The following ERAP2 variants were observed in gnomAD, a reference collection of about 807,000 sequenced individuals.
ERAP2 encodes the protein endoplasmic reticulum aminopeptidase 2.
ERAP2 carries 118 observed loss-of-function variants against 111.1 expected under a neutral mutation model. The ratio of observed to expected loss-of-function variants is 1.06; its 90% confidence interval spans 0.92 to 1.24. The LOEUF (loss-of-function observed/expected upper bound fraction) is 1.24. Among genes scored for constraint, ERAP2 ranks in the 50% most tolerant of loss-of-function variants. The probability of loss-of-function intolerance (pLI) is 0.00; values close to 1 mark genes in which losing one functional copy is unlikely to be tolerated. For missense variants in ERAP2, 1,131 were observed against 1,125.8 expected (o/e 1.00, Z -0.07); for synonymous variants, 410 against 401.2 (o/e 1.02, Z -0.26).
chr5:96,901,740 T>C (rs1466935744), intron 11 of ERAP2, 59 bp downstream of exon 11: 36 of 1,546,924 alleles, frequency 2.3e-5, no homozygotes, highest in Non-Finnish European at 3.1e-5. Flanking sequence ...CGTTATTTCC[T>C]TAGCTTTCTC....
chr5:96,883,821 C>G lies in ERAP2; in HGVS notation c.605C>G (p.Thr202Ser). The change falls in exon 3 of 19, where the codon ACC becomes AGC. Residue 202 changes from threonine (T) to serine (S), a missense_variant. Around this residue, in one of 3 missense-constraint regions of ERAP2, gnomAD observed 847 missense variants for 856.5 expected, o/e 0.99. Coordinates refer to ENST00000437043, the MANE Select transcript of ERAP2 (RefSeq NM_022350.5). ...RILAVTDFEP[T>S]QARMAFPCFD... is the part of the protein sequence containing the mutation. ...CTTGCAGTAACAGATTTTGAGCCAA[C>G]CCAGGCACGCATGGCTTTCCCTTGC... 6.2e-7 allele frequency: 1 copy of G among 1,613,008 alleles called. No homozygotes were observed. Among genetic ancestry groups the G allele is most frequent in the Non-Finnish European group, 8.5e-7 (1 of 1,179,662 alleles).
At chr5:96,910,052 G>T in intron 15 of ERAP2, 1 of 250,310 alleles carries the variant, frequency 4.0e-6, no homozygotes, top group Non-Finnish European at 8.1e-6. Flanking sequence ...AATCACTGAG[G>T]TCAGGAGTTC....
At chr5:96,889,593 G>A in intron 5 of ERAP2, 1 of 667,464 alleles carries the variant, frequency 1.5e-6, no homozygotes, top group South Asian at 1.8e-5. Context: ...CTGGAGGCTG[G>A]GACGGAAGCC....
intron 4 of ERAP2, among the ~76,000 whole-genome samples, chr5:96,888,131 A>AG (rs1279194303): frequency 1.4e-5 from 2 of 143,438 alleles, no homozygotes; most frequent in African/African-American, 5.3e-5. Flanking sequence ...TCTCAAAAGA[A>AG]AAAAAAAAAG....
chr5:96,887,227 T>C (rs1354045677), intron 4 of ERAP2, among the ~76,000 whole-genome samples: 1 of 151,654 alleles, frequency 6.6e-6, no homozygotes, highest in African/African-American at 2.4e-5. Flanking sequence ...TTTTAAATAA[T>C]ATTAATAATT....
chr5:96,896,753 C>T lies in ERAP2; in HGVS notation c.1393C>T (p.Leu465Phe). The T allele has an allele frequency of 6.4e-7, 1 of 1,571,390 alleles. No individual in the cohort carries two copies. The highest frequency in any genetic ancestry group is 8.6e-7 in the Non-Finnish European group (1 of 1,164,830). Residue 465 changes from leucine (L) to phenylalanine (F), a missense_variant, in exon 9 of 19, where the codon CTC becomes TTC. By Grantham distance (22) the Leu-to-Phe change is conservative (BLOSUM62 0). Transcript: ENST00000437043. Reference protein sequence around the residue: ...YNKGACILNMLKDFLGEEKFQ... With the variant: ...YNKGACILNMFKDFLGEEKFQ... Reference sequence around the variant, plus strand: ...AAAGGGAGCTTGTATTTTGAATATGCTCAAGGATTTTCTGGGTGAGGAGAA... The same window carrying T: ...AAAGGGAGCTTGTATTTTGAATATGTTCAAGGATTTTCTGGGTGAGGAGAA...
At position 96,901,612 on chromosome 5, in the gene ERAP2, G is replaced by C; in HGVS notation, c.1679G>C (p.Arg560Pro). Residue 560 changes from arginine (R) to proline (P), a missense_variant, in exon 11 of 19, where the codon CGA becomes CCA. Transcript: ENST00000437043. Reference protein sequence around the residue: ...LVVKQDGCSLRLQQERFLQGV... With the variant: ...LVVKQDGCSLPLQQERFLQGV... ...GTTAAACAAGACGGGTGTTCACTCC[G>C]ACTGCAACAGGAGCGCTTCCTCCAG... The C allele has an allele frequency of 6.2e-7, 1 of 1,614,104 alleles. No individual in the cohort carries two copies. The highest frequency in any genetic ancestry group is 1.3e-5 in the African/African-American group (1 of 75,026).
In ERAP2 at chr5:96,917,693, T is replaced by C. The variant is rs1787574107; in HGVS notation, c.*88T>C. On this transcript the variant is annotated 3_prime_UTR_variant, in exon 19 of 19. Coordinates refer to ENST00000437043, the MANE Select transcript of ERAP2 (RefSeq NM_022350.5). ...AGGCTGAGAAGGGCGGATCACGAGG[T>C]CAGGAGATGGAGACCATCCTGGCTA... 1 of 1,075,190 alleles carries C rather than the reference T, an allele frequency of 9.3e-7. No individual in the cohort carries two copies. The highest frequency in any genetic ancestry group is 3.1e-5 in the East Asian group (1 of 32,316). The allele number at this position is 1,075,190 out of a possible 1,614,324, so 66.6% of individuals were successfully genotyped here. A position where few individuals can be genotyped will look rare whatever the true frequency, so the allele number is the denominator to read the frequency against.
chr5:96,878,281 G>C (rs2151108421), intron 1 of ERAP2, among the ~76,000 whole-genome samples: 1 of 152,154 alleles, frequency 6.6e-6, no homozygotes, highest in East Asian at 1.9e-4. Flanking sequence ...CATGGCTTTT[G>C]ACATATTGAA....
intron 6 of ERAP2, among the ~76,000 whole-genome samples, chr5:96,893,711 T>C (rs1293837549): frequency 6.6e-6 from 1 of 152,178 alleles, no homozygotes; most frequent in African/African-American, 2.4e-5. Flanking sequence ...CCCCACTTTT[T>C]TGTCTTCCCA....
rs192037311 is a variant in ERAP2 at position 96,879,599 on chromosome 5, C to G, written c.-87C>G. On this transcript the variant is annotated 5_prime_UTR_variant, in exon 2 of 19. Coordinates refer to ENST00000437043, the MANE Select transcript of ERAP2 (RefSeq NM_022350.5). ...TGTATTGAAAATATTGTTCAGACCC[C>G]ATGTGACATAACTGGAGCCAGTGCA... is the stretch of plus-strand genomic sequence containing the variant. 47 of 1,002,190 alleles carry G rather than the reference C, an allele frequency of 4.7e-5. No homozygotes were observed. The African/African-American group carries it at 7.0e-4, about 15-fold the overall frequency. The allele number at this position is 1,002,190 out of a possible 1,614,324, so 62.1% of individuals were successfully genotyped here. A position where few individuals can be genotyped will look rare whatever the true frequency, so the allele number is the denominator to read the frequency against.
At chr5:96,889,845 C>T (rs1162291033) in intron 5 of ERAP2, among the ~76,000 whole-genome samples, 1 of 151,916 alleles carries the variant, frequency 6.6e-6, no homozygotes, top group African/African-American at 2.4e-5. Context: ...CACACACACA[C>T]ACACACACAC....
rs1472694486 is a variant in ERAP2, at chr5:96,919,563, T to C, written c.*1958T>C. 3 of 152,288 alleles carry C rather than the reference T, an allele frequency of 2.0e-5. No individual in the cohort carries two copies. Among genetic ancestry groups the C allele is most frequent in the Admixed American group, 6.5e-5 (1 of 15,290 alleles). 9.4% of individuals were successfully genotyped at this position (152,288 alleles called of 1,614,324 possible). A position where few individuals can be genotyped will look rare whatever the true frequency, so the allele number is the denominator to read the frequency against. ...CTTTCTTTTGTATTGTTATTTACAA[T>C]ATTGTTAAATTGAATGCATTTGCAA... On this transcript the variant is annotated 3_prime_UTR_variant, in exon 19 of 19. Coordinates refer to ENST00000437043, the MANE Select transcript of ERAP2 (RefSeq NM_022350.5).
In ERAP2 at chr5:96,902,428, A is replaced by C. The variant is rs994219828; in HGVS notation, c.1828+75A>C. On this transcript the variant is annotated intron_variant, in intron 12 of 18. Transcript: ENST00000437043. ...GTGTTGAGCTATTTGAAGGAACGAT[A>C]CAATAAGTAAATCTAACAATAAAAG... 2.3e-5 allele frequency: 20 copies of C among 872,178 alleles called. No individual in the cohort carries two copies. The East Asian group carries it at 5.0e-4, about 22-fold the overall frequency. The allele number at this position is 872,178 out of a possible 1,614,324, so 54.0% of individuals were successfully genotyped here. A position where few individuals can be genotyped will look rare whatever the true frequency, so the allele number is the denominator to read the frequency against.
intron 3 of ERAP2, among the ~76,000 whole-genome samples, chr5:96,885,934 A>C (rs1259142858): frequency 6.6e-6 from 1 of 152,232 alleles, no homozygotes; most frequent in African/African-American, 2.4e-5. Flanking sequence ...AGATGGACAG[A>C]AGCTTAAATT....
At position 96,901,617 on chromosome 5, in the gene ERAP2, C is replaced by T; in HGVS notation, c.1684C>T (p.Gln562Ter). 2.5e-6 allele frequency: 4 copies of T among 1,614,120 alleles called. No individual in the cohort carries two copies. Among genetic ancestry groups the T allele is most frequent in the East Asian group, 4.5e-5 (2 of 44,886 alleles). Residue 562 changes from glutamine to a stop codon, truncating the protein, a stop_gained, in exon 11 of 19, where the codon CAA (glutamine) becomes TAA (stop). Coordinates refer to ENST00000437043, the MANE Select transcript of ERAP2 (RefSeq NM_022350.5). LOFTEE classifies it high-confidence loss of function. ...ACAAGACGGGTGTTCACTCCGACTG[C>T]AACAGGAGCGCTTCCTCCAGGGGGT... ...VKQDGCSLRL[Q>*]QERFLQGVFQ...
rs1460440537 is a variant in ERAP2 at position 96,908,994 on chromosome 5, C to T, written c.2046C>T (p.Asp682=). Residue 682 remains aspartate (D), a synonymous_variant, in exon 14 of 19, where the codon GAC becomes GAT. Transcript: ENST00000437043. The part of the protein sequence containing the change: ...AGRLTLDKAL[D]MTYYLQHETS... ...GACTGACCCTAGACAAAGCTCTTGA[C>T]ATGACTTACTACCTCCAACATGAAA... The T allele has an allele frequency of 5.6e-6, 9 of 1,614,076 alleles. No homozygotes were observed. Among genetic ancestry groups the T allele is most frequent in the Non-Finnish European group, 7.6e-6 (9 of 1,180,030 alleles).
At chr5:96,881,797 G>T (rs1434912835) in intron 2 of ERAP2, among the ~76,000 whole-genome samples, 2 of 152,100 alleles carry the variant, frequency 1.3e-5, no homozygotes, top group Non-Finnish European at 1.5e-5. Flanking sequence ...AGGGCAAAAA[G>T]AAACATTCCA....
Position 96,917,586 on chromosome 5 carries a change from G to C in ERAP2, c.2864G>C (p.Trp955Ser). 6.2e-7 allele frequency: 1 copy of C among 1,613,092 alleles called. No individual in the cohort carries two copies. Among genetic ancestry groups the C allele is most frequent in the Non-Finnish European group, 8.5e-7 (1 of 1,179,426 alleles). ...AAGAATCTTCCGACTCTGAGGACTT[G>C]GCTAATGGTTAATACTTAAATGGTC... ...LEKNLPTLRTWLMVNT is the reference protein window; with the variant it reads ...LEKNLPTLRTSLMVNT Residue 955 changes from tryptophan to serine, a missense_variant, in exon 19 of 19, where the codon TGG becomes TCG. Coordinates refer to ENST00000437043, the MANE Select transcript of ERAP2 (RefSeq NM_022350.5).
Sources: allele counts gnomAD v4.1 joint callset (sites outside exome capture counted in the v4.1 genomes callset), GRCh38; gene constraint gnomAD v4.1.1; regional missense constraint gnomAD v4.1.1; transcripts MANE v1.5; gene names NCBI Gene and HGNC (gene_info 2026-07-23, HGNC 2026-07-21).